The following AK3 variants were observed in gnomAD, a reference collection of about 807,000 sequenced individuals.
The protein encoded by AK3 is GTP:AMP phosphotransferase AK3, mitochondrial.
In AK3, 27 loss-of-function variants were observed where a neutral mutation model predicts 23.7. That is an observed-to-expected ratio of 1.14 (90% CI 0.84 to 1.57). AK3 has a LOEUF of 1.57. AK3 is among the 40% of genes most tolerant of loss of function. AK3 has a pLI of 0.00. For synonymous variants in AK3, 159 were observed against 116.0 expected (o/e 1.37, Z -2.38); for missense variants, 406 against 285.6 (o/e 1.42, Z -3.04).
chr9:4,737,087 G>GT (rs1008245404), intron 1 of AK3, among the ~76,000 whole-genome samples: 1 of 143,724 alleles, frequency 7.0e-6, no homozygotes, highest in Non-Finnish European at 1.6e-5. Context: ...TCACTATATA[G>GT]TTTTTTTTAC....
chr9:4,738,383 C>G (rs1842345823), intron 1 of AK3, among the ~76,000 whole-genome samples: 1 of 152,152 alleles, frequency 6.6e-6, no homozygotes, highest in African/African-American at 2.4e-5. Flanking sequence ...CCAGGCTGGT[C>G]TTGAACTCCT....
intron 1 of AK3, among the ~76,000 whole-genome samples, chr9:4,727,878 T>C (rs1012468313): frequency 2.0e-5 from 3 of 152,194 alleles, no homozygotes; most frequent in South Asian, 2.1e-4. Flanking sequence ...TGTAGGGTTA[T>C]TAGTTGGCCT....
chr9:4,728,790 G>A (rs1209725985), intron 1 of AK3, among the ~76,000 whole-genome samples: 1 of 148,782 alleles, frequency 6.7e-6, no homozygotes, highest in Non-Finnish European at 1.5e-5. Flanking sequence ...GAGGCCAGGA[G>A]TTCAAGACCA....
At chr9:4,724,954 T>C (rs934704276) in intron 1 of AK3, among the ~76,000 whole-genome samples, 3 of 151,872 alleles carry the variant, frequency 2.0e-5, no homozygotes, top group Non-Finnish European at 1.5e-5. Context: ...GTTAGACCTC[T>C]ACCATGCATA....
intron 4 of AK3, 48 bp from the exon 5 acceptor site, chr9:4,713,144 C>T (rs747820244): frequency 2.5e-6 from 4 of 1,596,440 alleles, no homozygotes; most frequent in Non-Finnish European, 8.5e-7. Flanking sequence ...TCTGAGTCTT[C>T]CTAATAAGCT....
chr9:4,726,068 TAAC>T (rs1842017738), intron 1 of AK3, among the ~76,000 whole-genome samples: 1 of 152,186 alleles, frequency 6.6e-6, no homozygotes, highest in South Asian at 2.1e-4. Flanking sequence ...ATGTCTAAAA[TAAC>T]AATGTACCTA....
intron 1 of AK3, among the ~76,000 whole-genome samples, chr9:4,723,827 T>C (rs937700216): frequency 5.3e-5 from 8 of 152,358 alleles, no homozygotes; most frequent in African/African-American, 1.9e-4. Context: ...CCAAAGACTC[T>C]TGTTCTTTTG....
intron 1 of AK3, among the ~76,000 whole-genome samples, chr9:4,723,111 C>T (rs77125197): frequency 0.059 from 9,030 of 152,204 alleles, 859 homozygotes; most frequent in African/African-American, 0.2. Flanking sequence ...ATAATCTAAA[C>T]TTCAGATTCT....
chr9:4,713,016 T>A lies in AK3; in HGVS notation c.644A>T (p.Lys215Ile), dbSNP rs1253515556. 1.2e-6 allele frequency: 2 copies of A among 1,613,762 alleles called. No individual in the cohort carries two copies. Among genetic ancestry groups the A allele is most frequent in the South Asian group, 2.2e-5 (2 of 91,064 alleles). Reference sequence around the variant, plus strand: ...AGCTTTCTGGCTTCTTTGTGGAACTTTAGTTTGTAGGAAAGCATATACATA... The same window carrying A: ...AGCTTTCTGGCTTCTTTGTGGAACTATAGTTTGTAGGAAAGCATATACATA... Reference protein sequence around the residue: ...WPYVYAFLQTKVPQRSQKASV... With the variant: ...WPYVYAFLQTIVPQRSQKASV... Residue 215 changes from lysine to isoleucine, a missense_variant, in exon 5 of 5, where the codon AAA (lysine) becomes ATA (isoleucine). Physicochemically the swap from Lys to Ile is moderately radical, Grantham distance 102 (BLOSUM62 -3). Coordinates refer to ENST00000381809, the MANE Select transcript of AK3 (RefSeq NM_016282.4).
At chr9:4,733,769 C>T (rs1288692459) in intron 1 of AK3, among the ~76,000 whole-genome samples, 2 of 152,164 alleles carry the variant, frequency 1.3e-5, no homozygotes, top group African/African-American at 4.8e-5. Context: ...CCCATTGGCA[C>T]TTCACCCTGA....
At position 4,711,573 on chromosome 9, in the gene AK3, A is replaced by G. The variant is rs1432234371; in HGVS notation, c.*1403T>C. 6.6e-6 allele frequency: 1 copy of G among 152,400 alleles called. No homozygotes were observed. The highest frequency in any genetic ancestry group is 1.5e-5 in the Non-Finnish European group (1 of 68,038). The allele number at this position is 152,400 out of a possible 1,614,324, so 9.4% of individuals were successfully genotyped here. ...GGCACTTGTATTTTAAGTACCTGGG[A>G]AAAAAACGGAACAGATTTTTAAAGG... On this transcript the variant is annotated 3_prime_UTR_variant, in exon 5 of 5. Coordinates refer to ENST00000381809, the MANE Select transcript of AK3 (RefSeq NM_016282.4).
chr9:4,734,493 C>A (rs1419837084), intron 1 of AK3, among the ~76,000 whole-genome samples: 1 of 152,090 alleles, frequency 6.6e-6, no homozygotes, highest in Non-Finnish European at 1.5e-5. Context: ...CGGATAGTTG[C>A]CTGAATGAAT....
chr9:4,727,181 G>A (rs1298011819), intron 1 of AK3, among the ~76,000 whole-genome samples: 1 of 152,152 alleles, frequency 6.6e-6, no homozygotes, highest in Non-Finnish European at 1.5e-5. Flanking sequence ...AATGGTAAAT[G>A]AGCATTGGCT....
At position 4,713,145 on chromosome 9, in the gene AK3, C is replaced by T. The variant is rs372184729; in HGVS notation, c.564-49G>A. On this transcript the variant is annotated intron_variant, in intron 4 of 4. Transcript: ENST00000381809. ...CAAACACACACAGGTCTGAGTCTTC[C>T]TAATAAGCTCTTTCAAAGCCTTTCT... The T allele has an allele frequency of 2.3e-4, 359 of 1,594,824 alleles. 1 individual carries two copies. The highest frequency in any genetic ancestry group is 2.9e-4 in the Non-Finnish European group (341 of 1,172,440).
intron 2 of AK3, among the ~76,000 whole-genome samples, chr9:4,721,593 G>C (rs569750648): frequency 4.4e-4 from 67 of 152,122 alleles, no homozygotes; most frequent in African/African-American, 1.6e-3. Context: ...CGAGTAGCTA[G>C]GGTTACAGGT....
intron 1 of AK3, among the ~76,000 whole-genome samples, chr9:4,732,094 C>A (rs1011100287): frequency 5.9e-4 from 88 of 149,436 alleles, no homozygotes; most frequent in African/African-American, 2.1e-3. Context: ...GGAAAACAGG[C>A]ACACACCACA....
chr9:4,718,388 G>C, intron 4 of AK3, 31 bp downstream of exon 4: 1 of 1,509,748 alleles, frequency 6.6e-7, no homozygotes, highest in Non-Finnish European at 9.2e-7. Flanking sequence ...GCACCACTAC[G>C]CAAGAGAAGT....
intron 1 of AK3, among the ~76,000 whole-genome samples, chr9:4,728,864 T>TACACACACACACAC (rs1168147185): frequency 2.6e-5 from 2 of 77,556 alleles, no homozygotes; most frequent in African/African-American, 8.6e-5. Context: ...TATATATATA[T>TACACACACACACAC]ATACACACAC....
chr9:4,720,427 T>G (rs1841864518), intron 2 of AK3, among the ~76,000 whole-genome samples: 1 of 152,310 alleles, frequency 6.6e-6, no homozygotes, highest in Non-Finnish European at 1.5e-5. Context: ...CTCACACCTG[T>G]AATCTCAGCA....
Sources: allele counts gnomAD v4.1 joint callset (sites outside exome capture counted in the v4.1 genomes callset), GRCh38; gene constraint gnomAD v4.1.1; transcripts MANE v1.5; gene names NCBI Gene and HGNC (gene_info 2026-07-23, HGNC 2026-07-21).